The following THSD7B variants were observed in gnomAD, a reference collection of about 807,000 sequenced individuals.
THSD7B encodes the protein thrombospondin type 1 domain containing 7B, also known as thrombospondin type-1 domain-containing protein 7B.
In THSD7B, 138 loss-of-function variants were observed where a neutral mutation model predicts 213.6. The observed-to-expected ratio is 0.65, with a 90% CI of 0.56 to 0.74. THSD7B has a LOEUF of 0.74. Ranked by LOEUF, THSD7B falls within the 30% of genes least tolerant of loss-of-function variation. The pLI is 0.00. For synonymous variants in THSD7B, 742 were observed against 687.0 expected, an observed-to-expected ratio of 1.08 and a Z score of -1.25; for missense variants, 1,931 against 1,991.5, an observed-to-expected ratio of 0.97 and a Z score of 0.58.
intron 7 of THSD7B, among the ~76,000 whole-genome samples, chr2:137,173,057 G>T (rs1041262620): frequency 1.3e-5 from 2 of 151,986 alleles, no homozygotes; most frequent in Non-Finnish European, 2.9e-5. Context: ...TGCCAAGTGG[G>T]GTAATAAAAC....
At chr2:137,459,159 TTA>T (rs1687829134) in intron 15 of THSD7B, among the ~76,000 whole-genome samples, 1 of 151,398 alleles carries the variant, frequency 6.6e-6, no homozygotes, top group Admixed American at 6.6e-5. Context: ...ACAGTATCTT[TTA>T]AAAAAAAAAT....
intron 1 of THSD7B, among the ~76,000 whole-genome samples, chr2:136,793,480 G>T (rs1182899757): frequency 2.0e-5 from 3 of 151,948 alleles, no homozygotes; most frequent in South Asian, 4.2e-4. Context: ...CAGTGTGTGG[G>T]GTTATCTTTT....
intron 6 of THSD7B, among the ~76,000 whole-genome samples, chr2:137,164,457 T>C (rs1430350432): frequency 6.6e-6 from 1 of 152,202 alleles, no homozygotes; most frequent in African/African-American, 2.4e-5. Context: ...TCAACCATTG[T>C]GGAAGACACT....
At chr2:136,947,612 T>G (rs150924061) in intron 2 of THSD7B, among the ~76,000 whole-genome samples, 23 of 152,312 alleles carry the variant, frequency 1.5e-4, no homozygotes, top group African/African-American at 5.3e-4. Flanking sequence ...TCTTCCTCTG[T>G]CTTGCCCCTG....
chr2:136,912,007 G>A lies in THSD7B; in HGVS notation c.139+29690G>A, dbSNP rs567908039. ...TGGGCTGTTGGATAGCGGAATGCAG[G>A]AAGGGAAAGAGGGAGGAAGAAAGGA... On this transcript the variant is annotated intron_variant, in intron 2 of 27. Transcript: ENST00000409968. Among the ~76,000 whole-genome samples the A allele has an allele frequency of 4.6e-5, 7 of 152,180 alleles. No individual in the cohort carries two copies. The East Asian group carries it at 1.4e-3, about 29-fold the overall frequency.
rs5834532 is a variant in THSD7B, at chr2:137,112,386, TA to T, written c.1200-2735del. On this transcript the variant is annotated intron_variant, in intron 4 of 27. Coordinates refer to ENST00000409968, the MANE Select transcript of THSD7B (RefSeq NM_001316349.2). ...GGTAAAAAAAAAATAGCAATAGTGA[TA>T]AATGTCTTCTCTAAAGGATTTATCA... Among the ~76,000 whole-genome samples, 776 of 152,226 alleles carry T rather than the reference TA, an allele frequency of 5.1e-3. 3 individuals are homozygous for T. The highest frequency in any genetic ancestry group is 0.013 in the South Asian group (61 of 4,824).
At chr2:136,767,230 G>A (rs1379957674) in intron 1 of THSD7B, among the ~76,000 whole-genome samples, 2 of 152,274 alleles carry the variant, frequency 1.3e-5, no homozygotes, top group East Asian at 3.9e-4. Flanking sequence ...AAATCAAGAA[G>A]TCTTACTCAG....
chr2:137,247,649 G>T (rs1682070508), intron 10 of THSD7B, among the ~76,000 whole-genome samples: 2 of 152,086 alleles, frequency 1.3e-5, no homozygotes, highest in Admixed American at 1.3e-4. Flanking sequence ...GCAGTGTCAT[G>T]GTAACAGGAA....
At chr2:136,991,070 C>A in intron 2 of THSD7B, 1 of 658,490 alleles carries the variant, frequency 1.5e-6, no homozygotes, top group South Asian at 1.7e-5. Context: ...AGGACCTGGA[C>A]AAATGAAGTT....
chr2:137,137,296 C>T (rs1305850918), intron 5 of THSD7B, among the ~76,000 whole-genome samples: 2 of 152,132 alleles, frequency 1.3e-5, no homozygotes, highest in Non-Finnish European at 2.9e-5. Flanking sequence ...CAGTCCTAAC[C>T]CCCACCAGAA....
intron 17 of THSD7B, among the ~76,000 whole-genome samples, chr2:137,606,453 C>G (rs912726307): frequency 6.6e-6 from 1 of 152,060 alleles, no homozygotes; most frequent in Non-Finnish European, 1.5e-5. Context: ...AAAGGTGAAG[C>G]GTGAAATCCC....
In THSD7B at chr2:137,056,939, T is replaced by C; in HGVS notation, c.659T>C (p.Leu220Pro). 3 of 1,613,942 alleles carry C rather than the reference T, an allele frequency of 1.9e-6. No individual in the cohort carries two copies. Among genetic ancestry groups the C allele is most frequent in the Non-Finnish European group, 2.5e-6 (3 of 1,179,866 alleles). ...TTTGGTGGTTTGCAATGTCCAAATC[T>C]GACTGAGTCAAGAGCCTGTGATGCT... ...PLFGGLQCPN[L>P]TESRACDAPI... Residue 220 changes from leucine to proline, a missense_variant, in exon 3 of 28, where the codon CTG (leucine) becomes CCG (proline). Leu to Pro is a moderately conservative substitution (Grantham distance 98). Transcript: ENST00000409968.
chr2:137,270,448 G>A (rs1682706320), intron 10 of THSD7B, among the ~76,000 whole-genome samples: 1 of 152,150 alleles, frequency 6.6e-6, no homozygotes, highest in African/African-American at 2.4e-5. Context: ...TCCTCCTTCT[G>A]AGGATCTCAT....
chr2:137,580,468 G>C (rs535122976), intron 17 of THSD7B, among the ~76,000 whole-genome samples: 3 of 152,018 alleles, frequency 2.0e-5, no homozygotes, highest in African/African-American at 7.2e-5. Context: ...ATAGTCTTAG[G>C]ATTTCCTGAC....
In THSD7B at chr2:137,208,584, T is replaced by G. The variant is rs180857380; in HGVS notation, c.1724-22460T>G. ...CACTGAAACAGTTGTTATGGAGGTC[T>G]GCCACAGGACTGGAGGTATCCCTCA... On this transcript the variant is annotated intron_variant, in intron 7 of 27. Coordinates refer to ENST00000409968, the MANE Select transcript of THSD7B (RefSeq NM_001316349.2). Among the ~76,000 whole-genome samples, 508 of 152,182 alleles carry G rather than the reference T, an allele frequency of 3.3e-3. 13 individuals are homozygous for G. The highest frequency in any genetic ancestry group is 0.031 in the Admixed American group (469 of 15,262).
intron 7 of THSD7B, among the ~76,000 whole-genome samples, chr2:137,189,332 TAACAAC>T (rs555273148): frequency 6.6e-6 from 1 of 152,138 alleles, no homozygotes; most frequent in East Asian, 1.9e-4. Context: ...ACCAGAAAGT[TAACAAC>T]AACAACAAAA....
At chr2:137,522,182 A>T (rs781545205) in intron 15 of THSD7B, among the ~76,000 whole-genome samples, 6 of 152,096 alleles carry the variant, frequency 3.9e-5, no homozygotes, top group Non-Finnish European at 7.4e-5. Flanking sequence ...TCTATAGTGA[A>T]CCCTTCAAAT....
chr2:137,482,141 C>T (rs1484784789), intron 15 of THSD7B, among the ~76,000 whole-genome samples: 2 of 150,130 alleles, frequency 1.3e-5, no homozygotes, highest in South Asian at 4.2e-4. Context: ...GATATTGCCA[C>T]TGCATTCCAG....
intron 4 of THSD7B, among the ~76,000 whole-genome samples, chr2:137,097,194 CA>C (rs5834530): frequency 0.24 from 35,977 of 151,540 alleles, 5,858 homozygotes; most frequent in African/African-American, 0.45. Flanking sequence ...CTGATACTTT[CA>C]AAATGTTTGT....
Sources: gnomAD v4.1 joint callset for allele counts (sites outside exome capture counted in the v4.1 genomes callset) on GRCh38, gnomAD v4.1.1 for gene constraint, MANE v1.5 for transcripts, NCBI Gene and HGNC (gene_info 2026-07-23, HGNC 2026-07-21) for gene names.